Variants in CCDC171 observed in about 807,000 individuals in gnomAD.
CCDC171 encodes the protein coiled-coil domain-containing protein 171.
In CCDC171, 177 loss-of-function variants were observed where a neutral mutation model predicts 168.2. The ratio of observed to expected loss-of-function variants is 1.05; its 90% confidence interval spans 0.93 to 1.19. The LOEUF (loss-of-function observed/expected upper bound fraction) is 1.19, where lower values mean the gene tolerates loss of function less well. Among genes scored for constraint, CCDC171 ranks in the 50% most tolerant of loss-of-function variants. The pLI, the probability that CCDC171 is intolerant of heterozygous loss-of-function variation, is 0.00. For synonymous variants in CCDC171, 687 were observed against 540.8 expected (o/e 1.27, Z -3.75); for missense variants, 1,991 against 1,539.0 (o/e 1.29, Z -4.91).
intron 24 of CCDC171, chr9:15,883,026 C>CTTCCTTCCTTCCTGGCTGCCTT (rs1563932804): frequency 2.4e-5 from 8 of 330,062 alleles, no homozygotes; most frequent in African/African-American, 6.1e-5. Flanking sequence ...TCCTCCCCTC[C>CTTCCTTCCTTCCTGGCTGCCTT]CCTCCCCTTC....
chr9:15,927,226 C>T (rs1332887059), intron 25 of CCDC171, among the ~76,000 whole-genome samples: 1 of 151,570 alleles, frequency 6.6e-6, no homozygotes, highest in Non-Finnish European at 1.5e-5. Flanking sequence ...AGTACTTTAA[C>T]TTTTCCGGTA....
the CCDC171 span, among the ~76,000 whole-genome samples, chr9:16,107,305 G>A: frequency 6.6e-6 from 1 of 152,224 alleles, no homozygotes; most frequent in South Asian, 2.1e-4. Flanking sequence ...ATGTGACCAT[G>A]CCTGGCTCCT....
chr9:15,838,377 C>A (rs1367249068), intron 21 of CCDC171, among the ~76,000 whole-genome samples: 2 of 152,064 alleles, frequency 1.3e-5, no homozygotes, highest in African/African-American at 4.8e-5. Context: ...CCAGAATGAC[C>A]TCTTGTATTT....
At chr9:15,949,843 T>G (rs1828904103) in intron 25 of CCDC171, among the ~76,000 whole-genome samples, 1 of 152,162 alleles carries the variant, frequency 6.6e-6, no homozygotes, top group Admixed American at 6.6e-5. Flanking sequence ...TAACACTATG[T>G]TGAATAGGAG....
intron 25 of CCDC171, among the ~76,000 whole-genome samples, chr9:15,948,985 G>A (rs972776435): frequency 7.2e-4 from 110 of 152,112 alleles, no homozygotes; most frequent in African/African-American, 2.5e-3. Flanking sequence ...AATCCATCTC[G>A]AATTGATTTT....
At chr9:15,753,133 A>T (rs923588631) in intron 18 of CCDC171, among the ~76,000 whole-genome samples, 1 of 152,152 alleles carries the variant, frequency 6.6e-6, no homozygotes, top group Non-Finnish European at 1.5e-5. Flanking sequence ...TTCAAGCAGA[A>T]TGTAATTAAG....
intron 16 of CCDC171, among the ~76,000 whole-genome samples, chr9:15,735,805 C>T (rs1322617985): frequency 1.3e-5 from 2 of 152,154 alleles, no homozygotes; most frequent in Non-Finnish European, 2.9e-5. Context: ...ATCACGTGTA[C>T]ACTATGTTCT....
intron 23 of CCDC171, among the ~76,000 whole-genome samples, chr9:15,865,149 A>T (rs1292141969): frequency 6.6e-6 from 1 of 152,064 alleles, no homozygotes; most frequent in Non-Finnish European, 1.5e-5. Context: ...CTGGAACAAT[A>T]TTTAGGAAGT....
At chr9:15,678,952 T>C in intron 10 of CCDC171, 56 bp downstream of exon 10, 3 of 1,301,100 alleles carry the variant, frequency 2.3e-6, no homozygotes, top group Non-Finnish European at 3.2e-6. Flanking sequence ...ATATTGGATG[T>C]ATAGCAGGGT....
intron 23 of CCDC171, among the ~76,000 whole-genome samples, chr9:15,865,726 G>A (rs1196713695): frequency 6.6e-6 from 1 of 151,818 alleles, no homozygotes; most frequent in South Asian, 2.1e-4. Flanking sequence ...TTATCAGTAA[G>A]GCTTCCAATA....
rs138380389 is a variant in CCDC171 at position 15,646,628 on chromosome 9, C to G, written c.823-10499C>G. Among the ~76,000 whole-genome samples, 1,292 of 137,392 alleles carry G rather than the reference C, an allele frequency of 9.4e-3. 12 individuals carry two copies. Among genetic ancestry groups the G allele is most frequent in the African/African-American group, 0.029 (1,198 of 41,210 alleles). 90.1% of individuals were successfully genotyped at this position (137,392 alleles called of 152,430 possible). On this transcript the variant is annotated intron_variant, in intron 7 of 25. Coordinates refer to ENST00000380701, the MANE Select transcript of CCDC171 (RefSeq NM_173550.4). Reference sequence around the variant, plus strand: ...AGTCTCTGATAAAGCTGACTTTAAACCAACAAAGATCAAAAGAGACAAAGA... The same window carrying G: ...AGTCTCTGATAAAGCTGACTTTAAAGCAACAAAGATCAAAAGAGACAAAGA...
rs373095698 is a variant in CCDC171, at chr9:15,744,498, G to T, written c.2275G>T (p.Val759Phe). Reference sequence around the variant, plus strand: ...ACAGAGAGATTTTCTCCAGGAGCAGGTCAACACCTTTGAGTTGTTCAAACT... The same window carrying T: ...ACAGAGAGATTTTCTCCAGGAGCAGTTCAACACCTTTGAGTTGTTCAAACT... ...STQRDFLQEQVNTFELFKLEI... is the reference protein window; with the variant it reads ...STQRDFLQEQFNTFELFKLEI... Residue 759 changes from valine (V) to phenylalanine (F), a missense_variant, in exon 17 of 26, where the codon GTC becomes TTC. By Grantham distance (50) the Val-to-Phe change is conservative (BLOSUM62 -1). Coordinates refer to ENST00000380701, the MANE Select transcript of CCDC171 (RefSeq NM_173550.4). 3 of 1,614,200 alleles carry T rather than the reference G, an allele frequency of 1.9e-6. No individual in the cohort carries two copies. The highest frequency in any genetic ancestry group is 2.5e-6 in the Non-Finnish European group (3 of 1,180,036).
intron 18 of CCDC171, among the ~76,000 whole-genome samples, chr9:15,754,220 G>A (rs2055947654): frequency 6.6e-6 from 1 of 152,220 alleles, no homozygotes; most frequent in South Asian, 2.1e-4. Context: ...AAACATTATT[G>A]TATGGTAGAG....
chr9:15,568,609 G>A (rs1324019201), intron 2 of CCDC171, among the ~76,000 whole-genome samples: 2 of 152,206 alleles, frequency 1.3e-5, no homozygotes, highest in African/African-American at 4.8e-5. Context: ...TCTGACTGGT[G>A]TGAGATGGTA....
intron 25 of CCDC171, among the ~76,000 whole-genome samples, chr9:15,946,516 A>C (rs986102006): frequency 6.6e-6 from 1 of 152,024 alleles, no homozygotes; most frequent in Non-Finnish European, 1.5e-5. Flanking sequence ...CAACAAAATA[A>C]AACAGGATAC....
chr9:15,567,969 A>C (rs1420511337), intron 2 of CCDC171, among the ~76,000 whole-genome samples: 2 of 145,360 alleles, frequency 1.4e-5, no homozygotes, highest in Non-Finnish European at 3.0e-5. Context: ...TCTTTTGTTA[A>C]ATTTATTTTA....
chr9:15,993,772 T>TG (rs1200622076), intron 3 of CCDC171, among the ~76,000 whole-genome samples: 1 of 151,994 alleles, frequency 6.6e-6, no homozygotes, highest in Non-Finnish European at 1.5e-5. Context: ...CATCAAAAAG[T>TG]GGCAAAGGAT....
intron 7 of CCDC171, among the ~76,000 whole-genome samples, chr9:15,627,709 A>G (rs1311935732): frequency 6.6e-6 from 1 of 152,142 alleles, no homozygotes; most frequent in East Asian, 1.9e-4. Context: ...CTGTTCTTTT[A>G]TATTTGCTGA....
intron 10 of CCDC171, among the ~76,000 whole-genome samples, chr9:15,685,947 G>A (rs1210240515): frequency 6.6e-6 from 1 of 152,096 alleles, no homozygotes; most frequent in African/African-American, 2.4e-5. Flanking sequence ...TTTTAAGCCT[G>A]ATGAGTGAGT....
Sources: gnomAD v4.1 joint callset for allele counts (sites outside exome capture counted in the v4.1 genomes callset) on GRCh38, gnomAD v4.1.1 for gene constraint, MANE v1.5 for transcripts, NCBI Gene and HGNC (gene_info 2026-07-23, HGNC 2026-07-21) for gene names.